The following GPR3 variants were observed in gnomAD, a reference collection of about 807,000 sequenced individuals.
GPR3 encodes G protein-coupled receptor 3.
Under a neutral mutation model 18.2 loss-of-function variants are expected in GPR3, and 16 were observed. That is an observed-to-expected ratio of 0.88 (90% CI 0.60 to 1.34). The LOEUF (loss-of-function observed/expected upper bound fraction) is 1.34. Ranked by LOEUF, GPR3 falls within the 40% of genes most tolerant of loss-of-function variation. The probability of loss-of-function intolerance (pLI) is 0.00; values close to 1 mark genes in which losing one functional copy is unlikely to be tolerated. For missense variants in GPR3, 326 were observed against 427.6 expected (o/e 0.76, Z 2.10); for synonymous variants, 183 against 188.9 (o/e 0.97, Z 0.26).
At position 27,394,449 on chromosome 1, in the gene GPR3, C is replaced by G; in HGVS notation, c.651C>G (p.Cys217Trp). 1 of 1,614,146 alleles carries G rather than the reference C, an allele frequency of 6.2e-7. No individual in the cohort carries two copies. The highest frequency in any genetic ancestry group is 8.5e-7 in the Non-Finnish European group (1 of 1,180,042). The change falls in exon 2 of 2, where the codon TGC (cysteine) becomes TGG (tryptophan). Residue 217 changes from cysteine to tryptophan, a missense_variant. Coordinates refer to ENST00000374024, the MANE Select transcript of GPR3 (RefSeq NM_005281.4). ...GIMLQLYAQI[C>W]RIVCRHAQQI... The stretch of plus-strand genomic sequence containing the variant: ...TGCTGCAGCTCTACGCCCAAATCTG[C>G]CGCATCGTCTGCCGCCATGCCCAGC...
rs1171243277 is a variant in GPR3 at position 27,395,383 on chromosome 1, C to A, written c.*592C>A. On this transcript the variant is annotated 3_prime_UTR_variant, in exon 2 of 2. Coordinates refer to ENST00000374024, the MANE Select transcript of GPR3 (RefSeq NM_005281.4). ...AGGGGGGAAAGGGTGAAAGAGAAACCACGTATTTTGTTATTATTTTGGATT... is the reference window on the plus strand; with the variant it reads ...AGGGGGGAAAGGGTGAAAGAGAAACAACGTATTTTGTTATTATTTTGGATT... 1 of 167,112 alleles carries A rather than the reference C, an allele frequency of 6.0e-6. No homozygotes were observed. Among genetic ancestry groups the A allele is most frequent in the Admixed American group, 6.6e-5 (1 of 15,264 alleles). The allele number at this position is 167,112 out of a possible 1,614,324, so 10.4% of individuals were successfully genotyped here.
rs201398775 is a variant in GPR3 at position 27,394,531 on chromosome 1, G to A, written c.733G>A (p.Gly245Ser). ...CTCCCACTATGTGGCCACCCGCAAG[G>A]GCATTGCCACACTGGCCGTGGTGCT... ...PASHYVATRK[G>S]IATLAVVLGA... Residue 245 changes from glycine (G) to serine (S), a missense_variant, in exon 2 of 2, where the codon GGC becomes AGC. Coordinates refer to ENST00000374024, the MANE Select transcript of GPR3 (RefSeq NM_005281.4). 10 of 1,614,120 alleles carry A rather than the reference G, an allele frequency of 6.2e-6. No homozygotes were observed. The highest frequency in any genetic ancestry group is 8.5e-6 in the Non-Finnish European group (10 of 1,180,022).
chr1:27,394,798 C>T lies in GPR3; in HGVS notation c.*7C>T. On this transcript the variant is annotated 3_prime_UTR_variant, in exon 2 of 2. Transcript: ENST00000374024. ...CTCCCCCAGTGATGTCTAGCTGAGT[C>T]TTCATGACCCTTCAACCCTGATTAC... The T allele has an allele frequency of 6.2e-7, 1 of 1,610,370 alleles. No individual in the cohort carries two copies. The highest frequency in any genetic ancestry group is 8.5e-7 in the Non-Finnish European group (1 of 1,177,800).
Position 27,394,291 on chromosome 1 carries a change from C to G in GPR3, c.493C>G (p.Leu165Val), listed in dbSNP as rs2016520547. 3 of 1,613,128 alleles carry G rather than the reference C, an allele frequency of 1.9e-6. No individual in the cohort carries two copies. Among genetic ancestry groups the G allele is most frequent in the Non-Finnish European group, 2.5e-6 (3 of 1,180,036 alleles). Residue 165 changes from leucine to valine, a missense_variant, in exon 2 of 2, where the codon CTG (leucine) becomes GTG (valine). Transcript: ENST00000374024. ...VMLALVWGGALGLGLLPVLAW... is the reference protein window; with the variant it reads ...VMLALVWGGAVGLGLLPVLAW... ...GCTGGCCTTAGTGTGGGGAGGTGCC[C>G]TGGGCCTGGGGCTGCTGCCTGTGCT...
Position 27,394,864 on chromosome 1 carries a change from C to A in GPR3, c.*73C>A. ...TGTTAGGCTCTCCAGGGCTTCTTTC[C>A]AAACCCCCAGCTCCACACCCCCCAG... On this transcript the variant is annotated 3_prime_UTR_variant, in exon 2 of 2. Transcript: ENST00000374024. 6.6e-7 allele frequency: 1 copy of A among 1,514,642 alleles called. No homozygotes were observed. Among genetic ancestry groups the A allele is most frequent in the Non-Finnish European group, 9.0e-7 (1 of 1,110,078 alleles). 93.8% of individuals were successfully genotyped at this position (1,514,642 alleles called of 1,614,324 possible). A position where few individuals can be genotyped will look rare whatever the true frequency, so the allele number is the denominator to read the frequency against.
In GPR3 at chr1:27,394,174, A is replaced by C. The variant is rs1248772902; in HGVS notation, c.376A>C (p.Ser126Arg). The part of the protein sequence containing the change: ...LAMAFTASIG[S>R]LLAITVDRYL... ...AATGGCCTTTACCGCCAGCATCGGCAGTCTACTGGCCATCACTGTCGACCG... is the reference window on the plus strand; with the variant it reads ...AATGGCCTTTACCGCCAGCATCGGCCGTCTACTGGCCATCACTGTCGACCG... The change falls in exon 2 of 2, where the codon AGT becomes CGT. Residue 126 changes from serine to arginine, a missense_variant. Ser to Arg is a moderately radical substitution (Grantham distance 110, BLOSUM62 -1). Transcript: ENST00000374024. 6.2e-7 allele frequency: 1 copy of C among 1,613,790 alleles called. No individual in the cohort carries two copies. Among genetic ancestry groups the C allele is most frequent in the Non-Finnish European group, 8.5e-7 (1 of 1,180,032 alleles).
In GPR3 at chr1:27,394,885, C is replaced by T. The variant is rs959920803; in HGVS notation, c.*94C>T. The stretch of plus-strand genomic sequence containing the variant: ...TTTCCAAACCCCCAGCTCCACACCC[C>T]CCAGACCCAGCTGGTTCTGGAGTTC... On this transcript the variant is annotated 3_prime_UTR_variant, in exon 2 of 2. Transcript: ENST00000374024. 3.7e-6 allele frequency: 5 copies of T among 1,354,068 alleles called. No homozygotes were observed. In the East Asian group the frequency reaches 9.2e-5, roughly 25 times the overall value. The allele number at this position is 1,354,068 out of a possible 1,614,324, so 83.9% of individuals were successfully genotyped here.
chr1:27,393,040 C>T (rs1486651414), intron 1 of GPR3, among the ~76,000 whole-genome samples: 1 of 152,092 alleles, frequency 6.6e-6, no homozygotes, highest in Admixed American at 6.5e-5. Flanking sequence ...GTCCGAACAG[C>T]AGGAGGTGTC....
rs2016537385 is a variant in GPR3 at position 27,395,685 on chromosome 1, C to T, written c.*894C>T. 1 of 166,998 alleles carries T rather than the reference C, an allele frequency of 6.0e-6. No homozygotes were observed. The highest frequency in any genetic ancestry group is 2.1e-4 in the South Asian group (1 of 4,826). 10.3% of individuals were successfully genotyped at this position (166,998 alleles called of 1,614,324 possible). A position where few individuals can be genotyped will look rare whatever the true frequency, so the allele number is the denominator to read the frequency against. ...GCCATGGCCTGGGGGCCAAGCCTCA[C>T]CCTGCGGTGCCCTAAAGGAGGGGGG... On this transcript the variant is annotated 3_prime_UTR_variant, in exon 2 of 2. Coordinates refer to ENST00000374024, the MANE Select transcript of GPR3 (RefSeq NM_005281.4).
Position 27,394,784 on chromosome 1 carries a change from A to G in GPR3, c.986A>G (p.Asp329Gly). ...CCCTTCCGATCCCGCTCCCCCAGTG[A>G]TGTCTAGCTGAGTCTTCATGACCCT... ...KIPFRSRSPS[D>G]V Residue 329 changes from aspartate (D) to glycine (G), a missense_variant, in exon 2 of 2, where the codon GAT (aspartate) becomes GGT (glycine). Asp to Gly is a moderately conservative substitution (Grantham distance 94). Coordinates refer to ENST00000374024, the MANE Select transcript of GPR3 (RefSeq NM_005281.4). 1 of 1,613,252 alleles carries G rather than the reference A, an allele frequency of 6.2e-7. No individual in the cohort carries two copies. Among genetic ancestry groups the G allele is most frequent in the Non-Finnish European group, 8.5e-7 (1 of 1,179,548 alleles).
Position 27,394,186 on chromosome 1 carries a change from A to G in GPR3, c.388A>G (p.Ile130Val), listed in dbSNP as rs1221620011. 2 of 1,613,946 alleles carry G rather than the reference A, an allele frequency of 1.2e-6. No individual in the cohort carries two copies. The highest frequency in any genetic ancestry group is 2.2e-5 in the East Asian group (1 of 44,876). The change falls in exon 2 of 2, where the codon ATC becomes GTC. Residue 130 changes from isoleucine to valine, a missense_variant. Physicochemically the swap from Ile to Val is conservative, Grantham distance 29. Transcript: ENST00000374024. ...FTASIGSLLA[I>V]TVDRYLSLYN... ...CGCCAGCATCGGCAGTCTACTGGCC[A>G]TCACTGTCGACCGCTACCTTTCTCT...
At position 27,394,891 on chromosome 1, in the gene GPR3, C is replaced by G. The variant is rs1200703254; in HGVS notation, c.*100C>G. 7.7e-7 allele frequency: 1 copy of G among 1,303,666 alleles called. No homozygotes were observed. The highest frequency in any genetic ancestry group is 2.0e-5 in the Admixed American group (1 of 49,254). The allele number at this position is 1,303,666 out of a possible 1,614,324, so 80.8% of individuals were successfully genotyped here. ...AACCCCCAGCTCCACACCCCCCAGACCCAGCTGGTTCTGGAGTTCTAGGAC... is the reference window on the plus strand; with the variant it reads ...AACCCCCAGCTCCACACCCCCCAGAGCCAGCTGGTTCTGGAGTTCTAGGAC... On this transcript the variant is annotated 3_prime_UTR_variant, in exon 2 of 2. Coordinates refer to ENST00000374024, the MANE Select transcript of GPR3 (RefSeq NM_005281.4).
At position 27,394,770 on chromosome 1, in the gene GPR3, C is replaced by A; in HGVS notation, c.972C>A (p.Ser324=). 1.2e-6 allele frequency: 2 copies of A among 1,613,876 alleles called. No homozygotes were observed. The highest frequency in any genetic ancestry group is 1.7e-6 in the Non-Finnish European group (2 of 1,179,852). ...CCTCTTCCAAGATCCCCTTCCGATC[C>A]CGCTCCCCCAGTGATGTCTAGCTGA... The part of the protein sequence containing the change: ...CCSSSKIPFR[S]RSPSDV The change falls in exon 2 of 2, where the codon TCC becomes TCA. Residue 324 remains serine (S), a synonymous_variant. Transcript: ENST00000374024.
rs1326851667 is a variant in GPR3, at chr1:27,392,736, C to A, written c.-7C>A. On this transcript the variant is annotated splice_region_variant and 5_prime_UTR_variant, in exon 1 of 2. Transcript: ENST00000374024. ...CGGCCCGGCCGCGCCTGGTCCTGAG[C>A]GGTGAGTAGCGGGCCCCGCCGCGGG... 1.3e-5 allele frequency: 2 copies of A among 152,110 alleles called. No homozygotes were observed. Among genetic ancestry groups the A allele is most frequent in the Admixed American group, 6.5e-5 (1 of 15,282 alleles). The allele number at this position is 152,110 out of a possible 1,614,324, so 9.4% of individuals were successfully genotyped here. A position where few individuals can be genotyped will look rare whatever the true frequency, so the allele number is the denominator to read the frequency against.
Position 27,393,908 on chromosome 1 carries a change from T to G in GPR3, c.110T>G (p.Leu37Arg). 6.2e-7 allele frequency: 1 copy of G among 1,610,040 alleles called. No individual in the cohort carries two copies. Residue 37 changes from leucine (L) to arginine (R), a missense_variant, in exon 2 of 2, where the codon CTG (leucine) becomes CGG (arginine). By Grantham distance (102) the Leu-to-Arg change is moderately radical (BLOSUM62 -2). Transcript: ENST00000374024. ...AEGPTGPAAP[L>R]PSPKAWDVVL... ...GGGCCCACAGGTCCAGCCGCACCAC[T>G]GCCCTCGCCTAAGGCCTGGGATGTG... is the stretch of plus-strand genomic sequence containing the variant.
At position 27,394,232 on chromosome 1, in the gene GPR3, A is replaced by C. The variant is rs2016519583; in HGVS notation, c.434A>C (p.Tyr145Ser). The change falls in exon 2 of 2, where the codon TAT becomes TCT. Residue 145 changes from tyrosine (Y) to serine (S), a missense_variant. Physicochemically the swap from Tyr to Ser is moderately radical, Grantham distance 144. Coordinates refer to ENST00000374024, the MANE Select transcript of GPR3 (RefSeq NM_005281.4). ...TCTCTGTACAATGCCCTCACCTACT[A>C]TTCAGAGACAACAGTGACACGGACC... ...YLSLYNALTY[Y>S]SETTVTRTYV... 39 of 1,613,654 alleles carry C rather than the reference A, an allele frequency of 2.4e-5. No homozygotes were observed. The highest frequency in any genetic ancestry group is 3.2e-5 in the Non-Finnish European group (38 of 1,180,014).
chr1:27,393,576 G>A (rs1371033569), intron 1 of GPR3, among the ~76,000 whole-genome samples: 1 of 152,178 alleles, frequency 6.6e-6, no homozygotes, highest in African/African-American at 2.4e-5. Context: ...GGGATCCCCA[G>A]GAAGAGACCC....
At position 27,394,882 on chromosome 1, in the gene GPR3, C is replaced by A. The variant is rs1415320672; in HGVS notation, c.*91C>A. The A allele has an allele frequency of 1.5e-6, 2 of 1,347,294 alleles. No homozygotes were observed. Among genetic ancestry groups the A allele is most frequent in the Non-Finnish European group, 2.1e-6 (2 of 968,020 alleles). 83.5% of individuals were successfully genotyped at this position (1,347,294 alleles called of 1,614,324 possible). On this transcript the variant is annotated 3_prime_UTR_variant, in exon 2 of 2. Transcript: ENST00000374024. ...TTCTTTCCAAACCCCCAGCTCCACA[C>A]CCCCCAGACCCAGCTGGTTCTGGAG...
Position 27,394,569 on chromosome 1 carries a change from C to G in GPR3, c.771C>G (p.Ala257=), listed in dbSNP as rs2230880. ...TGGCCGTGGTGCTTGGAGCCTTTGC[C>G]GCCTGCTGGTTGCCCTTCACTGTCT... ...ATLAVVLGAF[A]ACWLPFTVYC... is the part of the protein sequence containing the mutation. The change falls in exon 2 of 2, where the codon GCC becomes GCG. Residue 257 remains alanine (A), a synonymous_variant. Transcript: ENST00000374024. 2 of 1,614,054 alleles carry G rather than the reference C, an allele frequency of 1.2e-6. No individual in the cohort carries two copies. Among genetic ancestry groups the G allele is most frequent in the African/African-American group, 2.7e-5 (2 of 74,926 alleles).
Sources: gnomAD v4.1 joint callset for allele counts (sites outside exome capture counted in the v4.1 genomes callset) on GRCh38, gnomAD v4.1.1 for gene constraint, MANE v1.5 for transcripts, NCBI Gene and HGNC (gene_info 2026-07-23, HGNC 2026-07-21) for gene names.